The following MYOM2 variants were observed in gnomAD, a reference collection of about 807,000 sequenced individuals.
The protein encoded by MYOM2 is myomesin 2, also known as myomesin-2.
MYOM2 carries 254 observed loss-of-function variants against 187.6 expected under a neutral mutation model. That is an observed-to-expected ratio of 1.35 (90% CI 1.22 to 1.50). MYOM2 has a LOEUF of 1.50. MYOM2 is among the 40% of genes most tolerant of loss of function. MYOM2 has a pLI of 0.00. For missense variants in MYOM2, 2,796 were observed against 1,924.0 expected, an observed-to-expected ratio of 1.45 and a Z score of -8.48; for synonymous variants, 981 against 753.8, an observed-to-expected ratio of 1.30 and a Z score of -4.94.
intron 13 of MYOM2, among the ~76,000 whole-genome samples, chr8:2,081,027 G>C (rs1357165131): frequency 6.8e-6 from 1 of 146,464 alleles, no homozygotes; most frequent in African/African-American, 2.6e-5. Context: ...TCTGGCCTGC[G>C]GGAGGAACAG....
In MYOM2 at chr8:2,144,900, G is replaced by T; in HGVS notation, c.4317G>T (p.Gly1439=). 2 of 1,614,162 alleles carry T rather than the reference G, an allele frequency of 1.2e-6. No homozygotes were observed. Among genetic ancestry groups the T allele is most frequent in the Non-Finnish European group, 1.7e-6 (2 of 1,180,044 alleles). ...TGACAGTGAGCGTGTACAAACACGG[G>T]GAGAAGATCCCGGACATGGCCCCGC... is the stretch of plus-strand genomic sequence containing the variant. ...IDVTVSVYKH[G]EKIPDMAPPQ... is the part of the protein sequence containing the mutation. The change falls in exon 37 of 37, where the codon GGG becomes GGT. Residue 1439 remains glycine (G), a synonymous_variant. Transcript: ENST00000262113.
chr8:2,047,929 G>T (rs1042402279), intron 1 of MYOM2, among the ~76,000 whole-genome samples: 2 of 152,216 alleles, frequency 1.3e-5, no homozygotes, highest in African/African-American at 2.4e-5. Context: ...GTTACAGACT[G>T]GTTGAAGGAT....
At chr8:2,071,067 A>G (rs1053854894) in intron 8 of MYOM2, among the ~76,000 whole-genome samples, 1 of 152,172 alleles carries the variant, frequency 6.6e-6, no homozygotes, top group Non-Finnish European at 1.5e-5. Flanking sequence ...TCCCTGGCTC[A>G]AGGAATCCTT....
intron 6 of MYOM2, among the ~76,000 whole-genome samples, chr8:2,059,636 GA>G (rs1316511080): frequency 5.3e-5 from 8 of 151,876 alleles, no homozygotes; most frequent in Non-Finnish European, 1.0e-4. Flanking sequence ...AAAAGTATAT[GA>G]AATGTAGACA....
chr8:2,073,391 G>C lies in MYOM2; in HGVS notation c.1011G>C (p.Gln337His). The C allele has an allele frequency of 6.2e-7, 1 of 1,613,386 alleles. No individual in the cohort carries two copies. The highest frequency in any genetic ancestry group is 8.5e-7 in the Non-Finnish European group (1 of 1,179,736). Reference sequence around the variant, plus strand: ...CGAAGATGTTCTTTGGAGAAGGCCAGGCCTCCCTGTCCTTCAGCCACCTGC... The same window carrying C: ...CGAAGATGTTCTTTGGAGAAGGCCACGCCTCCCTGTCCTTCAGCCACCTGC... ...KWTKMFFGEGQASLSFSHLHK... is the reference protein window; with the variant it reads ...KWTKMFFGEGHASLSFSHLHK... The change falls in exon 10 of 37, where the codon CAG becomes CAC. Residue 337 changes from glutamine to histidine, a missense_variant. Physicochemically the swap from Gln to His is conservative, Grantham distance 24. Coordinates refer to ENST00000262113, the MANE Select transcript of MYOM2 (RefSeq NM_003970.4).
rs1175427438 is a variant in MYOM2, at chr8:2,144,832, A to G, written c.4249A>G (p.Ser1417Gly). The change falls in exon 37 of 37, where the codon AGC becomes GGC. Residue 1417 changes from serine to glycine, a missense_variant. Coordinates refer to ENST00000262113, the MANE Select transcript of MYOM2 (RefSeq NM_003970.4). Reference sequence around the variant, plus strand: ...GACCTCCGAGGACTCGGGCAAGTACAGCATCAACATCAAGAATAAGTATGG... The same window carrying G: ...GACCTCCGAGGACTCGGGCAAGTACGGCATCAACATCAAGAATAAGTATGG... ...GVTSEDSGKY[S>G]INIKNKYGGE... The G allele has an allele frequency of 1.2e-6, 2 of 1,614,094 alleles. No homozygotes were observed. The highest frequency in any genetic ancestry group is 1.7e-6 in the Non-Finnish European group (2 of 1,180,048).
rs145345721 is a variant in MYOM2 at position 2,108,578 on chromosome 8, T to A, written c.2999-208T>A. 2.7e-3 allele frequency among the ~76,000 whole-genome samples: 406 copies of A among 152,340 alleles called. 1 individual carries two copies. The highest frequency in any genetic ancestry group is 9.2e-3 in the African/African-American group (381 of 41,572). ...CCCATGACTGTGCCCTGCCTTGTCC[T>A]CAGCTGCCCCTGTACTAGGTGGGTT... On this transcript the variant is annotated intron_variant, in intron 23 of 36. Transcript: ENST00000262113.
chr8:2,053,830 T>C (rs989479075), intron 3 of MYOM2, among the ~76,000 whole-genome samples: 4 of 152,228 alleles, frequency 2.6e-5, no homozygotes, highest in African/African-American at 9.6e-5. Context: ...CCATGAGATT[T>C]TCTTCAGCAG....
At chr8:2,102,809 C>G (rs1420781449) in intron 21 of MYOM2, 28 bp downstream of exon 21, 3 of 1,550,406 alleles carry the variant, frequency 1.9e-6, no homozygotes, top group East Asian at 2.3e-5. Flanking sequence ...AACTACAAAA[C>G]AGCAATGATT....
At chr8:2,135,973 C>T (rs1334587255) in intron 32 of MYOM2, among the ~76,000 whole-genome samples, 1 of 152,210 alleles carries the variant, frequency 6.6e-6, no homozygotes, top group Admixed American at 6.5e-5. Flanking sequence ...TGGAAACCAG[C>T]ATTTGCCCTC....
rs536215550 is a variant in MYOM2, at chr8:2,058,523, C to G, written c.561-630C>G. On this transcript the variant is annotated intron_variant, in intron 5 of 36. Coordinates refer to ENST00000262113, the MANE Select transcript of MYOM2 (RefSeq NM_003970.4). ...AGCTGTGGTAATTGAAGAATTACATCTTTAAGCCCTCAAGACCCTTTTTGT... is the reference window on the plus strand; with the variant it reads ...AGCTGTGGTAATTGAAGAATTACATGTTTAAGCCCTCAAGACCCTTTTTGT... Among the ~76,000 whole-genome samples, 3 of 152,294 alleles carry G rather than the reference C, an allele frequency of 2.0e-5. No individual in the cohort carries two copies. In the South Asian group the frequency reaches 6.2e-4, roughly 32 times the overall value.
intron 3 of MYOM2, among the ~76,000 whole-genome samples, chr8:2,054,358 T>C (rs561971696): frequency 8.0e-4 from 122 of 152,282 alleles, no homozygotes; most frequent in Middle Eastern, 3.4e-3. Context: ...ATATGGCCCA[T>C]TGGAAATGTC....
intron 28 of MYOM2, among the ~76,000 whole-genome samples, chr8:2,121,756 A>G (rs1230128230): frequency 3.3e-5 from 5 of 152,270 alleles, no homozygotes; most frequent in Non-Finnish European, 4.4e-5. Flanking sequence ...TAAACATAAG[A>G]AAATCTGTTA....
At chr8:2,126,408 C>G (rs145642374) in intron 31 of MYOM2, among the ~76,000 whole-genome samples, 3 of 149,386 alleles carry the variant, frequency 2.0e-5, no homozygotes, top group South Asian at 2.2e-4. Flanking sequence ...CACACACACA[C>G]GATTTCCCAC....
chr8:2,103,558 GATAA>G (rs1796789810), intron 21 of MYOM2, among the ~76,000 whole-genome samples: 1 of 151,110 alleles, frequency 6.6e-6, no homozygotes, highest in South Asian at 2.1e-4. Flanking sequence ...TGGGTGTATG[GATAA>G]ATGAGTGGGA....
chr8:2,096,208 T>A (rs752636352), intron 17 of MYOM2, 39 bp from the exon 18 acceptor site: 12 of 1,590,328 alleles, frequency 7.5e-6, no homozygotes, highest in Non-Finnish European at 9.4e-6. Flanking sequence ...AGCCCCCAGC[T>A]GAGGCCCTCG....
chr8:2,090,357 T>G (rs1457979270), intron 15 of MYOM2, among the ~76,000 whole-genome samples, 166 bp downstream of exon 15: 1 of 152,234 alleles, frequency 6.6e-6, no homozygotes, highest in Non-Finnish European at 1.5e-5. Context: ...CTGCCATGTT[T>G]TGTTTGGTTC....
intron 27 of MYOM2, among the ~76,000 whole-genome samples, chr8:2,116,761 T>C (rs1279249932): frequency 2.0e-5 from 3 of 146,874 alleles, no homozygotes; most frequent in African/African-American, 8.2e-5. Context: ...ATTCAAAGAA[T>C]TTTTTTTCTT....
At chr8:2,097,172 G>T (rs1796523642) in intron 18 of MYOM2, 13 of 893,422 alleles carry the variant, frequency 1.5e-5, no homozygotes, top group Non-Finnish European at 1.7e-5. Flanking sequence ...TCTAATCTTT[G>T]TCTACTAGAA....
Sources: gnomAD v4.1 joint callset for allele counts (sites outside exome capture counted in the v4.1 genomes callset) on GRCh38, gnomAD v4.1.1 for gene constraint, MANE v1.5 for transcripts, NCBI Gene and HGNC (gene_info 2026-07-23, HGNC 2026-07-21) for gene names.